The following KPNA3 variants were observed in gnomAD, a reference collection of about 807,000 sequenced individuals.
KPNA3 encodes importin subunit alpha-4.
In KPNA3, 13 loss-of-function variants were observed where a neutral mutation model predicts 73.8. The ratio of observed to expected loss-of-function variants is 0.18; its 90% CI spans 0.11 to 0.28. The LOEUF is 0.28. Among genes scored for constraint, KPNA3 ranks in the 10% least tolerant of loss-of-function variants. The pLI is 1.00. For synonymous variants in KPNA3, 186 were observed against 206.9 expected (o/e 0.90, Z 0.87); for missense variants, 360 against 618.1 (o/e 0.58, Z 4.43).
At chr13:49,727,169 C>T (rs150345025) in intron 6 of KPNA3, among the ~76,000 whole-genome samples, 40 of 151,626 alleles carry the variant, frequency 2.6e-4, no homozygotes, top group African/African-American at 9.7e-4. Context: ...TAAAGAAGTC[C>T]GGGCAAGGTG....
chr13:49,764,056 G>A lies in KPNA3; in HGVS notation c.70-17063C>T, dbSNP rs1288500688. Among the ~76,000 whole-genome samples the A allele has an allele frequency of 4.4e-5, 5 of 113,638 alleles. No individual in the cohort carries two copies. In the East Asian group the frequency reaches 1.3e-3, roughly 30 times the overall value. The allele number at this position is 113,638 out of a possible 152,430, so 74.6% of individuals were successfully genotyped here. On this transcript the variant is annotated intron_variant, in intron 1 of 16. Transcript: ENST00000261667. Reference sequence around the variant, plus strand: ...CACTCCAGCCTGGGTAACAGAGAGAGACCCTGTCTCAAAAAAAAAAAAAAA... The same window carrying A: ...CACTCCAGCCTGGGTAACAGAGAGAAACCCTGTCTCAAAAAAAAAAAAAAA...
intron 2 of KPNA3, among the ~76,000 whole-genome samples, chr13:49,734,934 T>TAGAGAGAGAGAGAG (rs1345135818): frequency 3.0e-4 from 28 of 93,380 alleles, no homozygotes; most frequent in South Asian, 7.6e-4. Flanking sequence ...TATATATATA[T>TAGAGAGAGAGAGAG]ATATAGAGAG....
At chr13:49,760,626 A>G (rs1300523803) in intron 1 of KPNA3, among the ~76,000 whole-genome samples, 1 of 152,206 alleles carries the variant, frequency 6.6e-6, no homozygotes, top group Non-Finnish European at 1.5e-5. Flanking sequence ...ATTAAGGGAT[A>G]CCCAGATAGC....
chr13:49,784,701 C>T (rs1954967739), intron 1 of KPNA3, among the ~76,000 whole-genome samples: 1 of 152,076 alleles, frequency 6.6e-6, no homozygotes, highest in African/African-American at 2.4e-5. Context: ...TAGGAAAAGG[C>T]ACTAAAAGAG....
chr13:49,718,941 T>C (rs1027143807), intron 10 of KPNA3, among the ~76,000 whole-genome samples: 2 of 149,350 alleles, frequency 1.3e-5, no homozygotes, highest in African/African-American at 4.9e-5. Context: ...TATACACATA[T>C]GTATGTACAT....
chr13:49,762,771 G>C (rs1954778316), intron 1 of KPNA3, among the ~76,000 whole-genome samples: 2 of 151,818 alleles, frequency 1.3e-5, no homozygotes, highest in Admixed American at 6.6e-5. Flanking sequence ...AGAGACCTTT[G>C]TTCACTTGTT....
At chr13:49,704,667 G>A (rs898640369) in intron 15 of KPNA3, among the ~76,000 whole-genome samples, 5 of 152,004 alleles carry the variant, frequency 3.3e-5, no homozygotes, top group African/African-American at 9.7e-5. Context: ...TATTGAACAT[G>A]TACATTTAAA....
intron 1 of KPNA3, among the ~76,000 whole-genome samples, chr13:49,779,289 A>T (rs1954922637): frequency 6.6e-6 from 1 of 152,088 alleles, no homozygotes; most frequent in Non-Finnish European, 1.5e-5. Flanking sequence ...TATAAATCCT[A>T]TTTTGCTTAC....
intron 2 of KPNA3, among the ~76,000 whole-genome samples, chr13:49,737,561 CTGTGTGTGTG>C (rs3990330): frequency 0.04 from 5,679 of 143,004 alleles, 105 homozygotes; most frequent in Middle Eastern, 0.05. Context: ...GTGTGTGTGT[CTGTGTGTGTG>C]TGTGTGTGTG....
At chr13:49,771,114 T>C (rs1954851414) in intron 1 of KPNA3, among the ~76,000 whole-genome samples, 1 of 89,870 alleles carries the variant, frequency 1.1e-5, no homozygotes, top group African/African-American at 3.5e-5. Flanking sequence ...AACTTGTTGA[T>C]ATTTCAAAAA....
In KPNA3 at chr13:49,722,149, A is replaced by T. The variant is rs1387730551; in HGVS notation, c.557-25T>A. 3 of 1,453,032 alleles carry T rather than the reference A, an allele frequency of 2.1e-6. No individual in the cohort carries two copies. The East Asian group carries it at 7.2e-5, about 35-fold the overall frequency. 90.0% of individuals were successfully genotyped at this position (1,453,032 alleles called of 1,614,324 possible). A position where few individuals can be genotyped will look rare whatever the true frequency, so the allele number is the denominator to read the frequency against. ...CCTACAGAAATGAAAATTATATTTA[A>T]AAAAAACTTACATTCAGGATGAGAA... On this transcript the variant is annotated intron_variant, in intron 8 of 16. Coordinates refer to ENST00000261667, the MANE Select transcript of KPNA3 (RefSeq NM_002267.4).
At chr13:49,715,209 C>CA (rs1412026276) in intron 10 of KPNA3, among the ~76,000 whole-genome samples, 2 of 151,920 alleles carry the variant, frequency 1.3e-5, no homozygotes, top group African/African-American at 4.8e-5. Flanking sequence ...AAAAAGTTCA[C>CA]ATGGCAAAAC....
At chr13:49,773,883 A>C (rs1954875174) in intron 1 of KPNA3, among the ~76,000 whole-genome samples, 1 of 152,134 alleles carries the variant, frequency 6.6e-6, no homozygotes, top group African/African-American at 2.4e-5. Flanking sequence ...ATATTCTGAA[A>C]GTCTATAGCA....
At chr13:49,734,219 C>T (rs1473018450) in intron 2 of KPNA3, among the ~76,000 whole-genome samples, 2 of 152,186 alleles carry the variant, frequency 1.3e-5, no homozygotes, top group African/African-American at 4.8e-5. Flanking sequence ...AGTTTTCCTA[C>T]TGTTCATTTT....
chr13:49,768,819 A>C (rs1467823710), intron 1 of KPNA3, among the ~76,000 whole-genome samples: 2 of 152,130 alleles, frequency 1.3e-5, no homozygotes, highest in East Asian at 3.8e-4. Flanking sequence ...ATTTGGACAG[A>C]TCTTATATGC....
rs1955039645 is a variant in KPNA3 at position 49,792,206 on chromosome 13, G to A, written c.69+232C>T. Among the ~76,000 whole-genome samples the A allele has an allele frequency of 4.6e-5, 7 of 151,884 alleles. No individual in the cohort carries two copies. The South Asian group carries it at 1.4e-3, about 31-fold the overall frequency. On this transcript the variant is annotated intron_variant, in intron 1 of 16. Coordinates refer to ENST00000261667, the MANE Select transcript of KPNA3 (RefSeq NM_002267.4). Reference sequence around the variant, plus strand: ...CAGGCCGCGCCCGCGTGACGGGGCCGAAAACGCCGGCATTTCCCGGTCGCC... The same window carrying A: ...CAGGCCGCGCCCGCGTGACGGGGCCAAAAACGCCGGCATTTCCCGGTCGCC...
chr13:49,782,721 A>G (rs1954951035), intron 1 of KPNA3, among the ~76,000 whole-genome samples: 1 of 152,126 alleles, frequency 6.6e-6, no homozygotes, highest in Non-Finnish European at 1.5e-5. Context: ...TCTACAAAAA[A>G]TAAAAAAATT....
At chr13:49,711,735 T>C (rs998733592) in intron 10 of KPNA3, among the ~76,000 whole-genome samples, 19 of 152,190 alleles carry the variant, frequency 1.2e-4, no homozygotes, top group African/African-American at 4.6e-4. Flanking sequence ...GCACTGGTTG[T>C]AGCTTATGCA....
At chr13:49,719,257 C>G (rs1954333071) in intron 10 of KPNA3, among the ~76,000 whole-genome samples, 1 of 152,084 alleles carries the variant, frequency 6.6e-6, no homozygotes, top group Non-Finnish European at 1.5e-5. Flanking sequence ...TCTAAAAAGA[C>G]TGTAGCATAA....
Sources: gnomAD v4.1 joint callset for allele counts (sites outside exome capture counted in the v4.1 genomes callset) on GRCh38, gnomAD v4.1.1 for gene constraint, MANE v1.5 for transcripts, NCBI Gene and HGNC (gene_info 2026-07-23, HGNC 2026-07-21) for gene names.